The following EYS variants were observed in gnomAD, a reference collection of about 807,000 sequenced individuals.
EYS encodes EGF-like photoreceptor maintenance factor, also known as protein eyes shut homolog.
In EYS, 250 loss-of-function variants were observed where a neutral mutation model predicts 282.1. The observed-to-expected ratio is 0.89, with a 90% CI of 0.80 to 0.98. EYS has a LOEUF of 0.98. Among genes scored for constraint, EYS ranks in the 50% least tolerant of loss-of-function variants. EYS has a pLI of 0.00. For synonymous variants in EYS, 1,355 were observed against 1,282.9 expected, an observed-to-expected ratio of 1.06 and a Z score of -1.20; for missense variants, 4,016 against 3,709.0, an observed-to-expected ratio of 1.08 and a Z score of -2.15.
chr6:64,408,447 A>T (rs1298349115), intron 28 of EYS, among the ~76,000 whole-genome samples: 3 of 152,192 alleles, frequency 2.0e-5, no homozygotes, highest in Admixed American at 2.0e-4. Flanking sequence ...ACGCTGGTAC[A>T]TATATTTCCA....
chr6:64,101,451 T>A lies in EYS; in HGVS notation c.6425-19449A>T, dbSNP rs115932165. Reference sequence around the variant, plus strand: ...TTCAGTATTTCTTATTCATGTATATTCATGATGCATGCATGCACATAAAAG... The same window carrying A: ...TTCAGTATTTCTTATTCATGTATATACATGATGCATGCATGCACATAAAAG... On this transcript the variant is annotated intron_variant, in intron 31 of 42. Transcript: ENST00000503581. Among the ~76,000 whole-genome samples the A allele has an allele frequency of 7.0e-3, 1,073 of 152,258 alleles. 3 individuals carry two copies. Among genetic ancestry groups the A allele is most frequent in the Non-Finnish European group, 0.011 (774 of 68,026 alleles).
intron 33 of EYS, among the ~76,000 whole-genome samples, chr6:64,006,969 T>C (rs1052006444): frequency 3.3e-5 from 5 of 152,160 alleles, no homozygotes; most frequent in Non-Finnish European, 5.9e-5. Context: ...TTTGTTGCTG[T>C]GTCTCTGCTG....
chr6:64,196,819 C>G (rs1765304226), intron 31 of EYS, among the ~76,000 whole-genome samples: 1 of 151,682 alleles, frequency 6.6e-6, no homozygotes, highest in African/African-American at 2.4e-5. Context: ...GGGTGCAGCA[C>G]ACCAGCATGG....
chr6:65,513,785 G>A lies in EYS; in HGVS notation c.-332-17792C>T, dbSNP rs547283033. ...TCAATAAATTAGGTATTGATGGGAT[G>A]TATCTCAAAATAATAAGAGCTATCT... is the stretch of plus-strand genomic sequence containing the variant. On this transcript the variant is annotated intron_variant, in intron 2 of 42. Transcript: ENST00000503581. Among the ~76,000 whole-genome samples, 162 of 152,046 alleles carry A rather than the reference G, an allele frequency of 1.1e-3. 3 individuals carry two copies. The highest frequency in any genetic ancestry group is 3.5e-3 in the African/African-American group (143 of 41,444).
chr6:65,574,181 G>A (rs960094234), intron 2 of EYS, among the ~76,000 whole-genome samples: 1 of 152,068 alleles, frequency 6.6e-6, no homozygotes, highest in Non-Finnish European at 1.5e-5. Context: ...CCCAGACATC[G>A]GTGCCACTGG....
At chr6:63,897,796 T>G (rs1246518203) in intron 35 of EYS, among the ~76,000 whole-genome samples, 1 of 151,790 alleles carries the variant, frequency 6.6e-6, no homozygotes, top group Admixed American at 6.6e-5. Context: ...TGGAGTAGAG[T>G]TTATATGACA....
At chr6:64,584,058 T>C (rs999546941) in intron 26 of EYS, among the ~76,000 whole-genome samples, 10 of 152,250 alleles carry the variant, frequency 6.6e-5, no homozygotes, top group African/African-American at 2.4e-4. Context: ...CTCAAAATTC[T>C]TGTAGTTTAT....
chr6:64,689,284 A>T (rs1304192630), intron 22 of EYS, among the ~76,000 whole-genome samples: 1 of 152,180 alleles, frequency 6.6e-6, no homozygotes, highest in African/African-American at 2.4e-5. Flanking sequence ...GGACCTCTTC[A>T]AGGAGAACTA....
chr6:64,884,452 T>C (rs1396803141), intron 19 of EYS, among the ~76,000 whole-genome samples: 1 of 151,570 alleles, frequency 6.6e-6, no homozygotes, highest in African/African-American at 2.4e-5. Flanking sequence ...CATCCTTGTG[T>C]TTTAAAGTTT....
chr6:64,278,981 T>A (rs1768211469), intron 30 of EYS, among the ~76,000 whole-genome samples: 1 of 152,168 alleles, frequency 6.6e-6, no homozygotes, highest in South Asian at 2.1e-4. Flanking sequence ...CTCAAATTCC[T>A]GGGCTCTTGC....
intron 41 of EYS, among the ~76,000 whole-genome samples, chr6:63,738,746 AAAT>A (rs1768995219): frequency 6.6e-6 from 1 of 152,188 alleles, no homozygotes; most frequent in Admixed American, 6.6e-5. Flanking sequence ...ATTATAAAAA[AAAT>A]ACATACAGAC....
chr6:64,875,693 T>G (rs1243080166), intron 19 of EYS, among the ~76,000 whole-genome samples: 2 of 152,076 alleles, frequency 1.3e-5, no homozygotes, highest in African/African-American at 2.4e-5. Context: ...TAACTATAAT[T>G]TTTGGTACCA....
intron 28 of EYS, among the ~76,000 whole-genome samples, chr6:64,389,932 G>T (rs1360092198): frequency 6.6e-6 from 1 of 151,096 alleles, no homozygotes; most frequent in Non-Finnish European, 1.5e-5. Context: ...TGCGCCAGCC[G>T]AAGCAGGGCA....
intron 12 of EYS, among the ~76,000 whole-genome samples, chr6:65,246,436 G>A (rs933592633): frequency 6.6e-6 from 1 of 152,006 alleles, no homozygotes; most frequent in African/African-American, 2.4e-5. Context: ...CATGTCTTAT[G>A]GTATGCCAGA....
chr6:65,569,287 C>T (rs115700369), intron 2 of EYS, among the ~76,000 whole-genome samples: 5,498 of 151,916 alleles, frequency 0.036, 264 homozygotes, highest in African/African-American at 0.11. Flanking sequence ...TGCTATAAAA[C>T]GGCCCCACCC....
At chr6:65,681,486 A>T (rs1768816808) in intron 1 of EYS, among the ~76,000 whole-genome samples, 1 of 152,018 alleles carries the variant, frequency 6.6e-6, no homozygotes, top group Admixed American at 6.6e-5. Flanking sequence ...ATAATTTAAC[A>T]AAGGAATTAA....
chr6:65,010,412 G>A (rs915953686), intron 13 of EYS, among the ~76,000 whole-genome samples: 5 of 152,234 alleles, frequency 3.3e-5, no homozygotes, highest in Admixed American at 2.0e-4. Context: ...TGAAGGGCCA[G>A]TGCTGCGACT....
intron 5 of EYS, among the ~76,000 whole-genome samples, chr6:65,438,994 C>G (rs535376102): frequency 6.6e-6 from 1 of 152,176 alleles, no homozygotes; most frequent in Admixed American, 6.5e-5. Context: ...TTAGGTCTAA[C>G]ATTTAAGTCT....
intron 41 of EYS, among the ~76,000 whole-genome samples, chr6:63,728,000 A>T (rs921367193): frequency 4.0e-5 from 6 of 151,530 alleles, no homozygotes; most frequent in African/African-American, 9.7e-5. Context: ...TTTCTGACAT[A>T]GGGGTTCCTT....
Sources: allele counts gnomAD v4.1 joint callset (sites outside exome capture counted in the v4.1 genomes callset), GRCh38; gene constraint gnomAD v4.1.1; transcripts MANE v1.5; gene names NCBI Gene and HGNC (gene_info 2026-07-23, HGNC 2026-07-21).